Variants in PRKCH observed in about 807,000 individuals in gnomAD.
PRKCH encodes protein kinase C eta.
PRKCH carries 28 observed loss-of-function variants against 82.5 expected under a neutral mutation model. The observed-to-expected ratio is 0.34, with a 90% CI of 0.25 to 0.47. PRKCH has a LOEUF of 0.47. PRKCH is among the 20% of genes least tolerant of loss of function. The pLI is 1.00. For missense variants in PRKCH, 705 were observed against 881.8 expected (o/e 0.80, Z 2.54); for synonymous variants, 322 against 327.4 (o/e 0.98, Z 0.18).
chr14:61,515,280 T>G (rs891615891), intron 10 of PRKCH, among the ~76,000 whole-genome samples: 3 of 152,198 alleles, frequency 2.0e-5, no homozygotes, highest in Admixed American at 6.5e-5. Flanking sequence ...TTCTGGAGAT[T>G]TGAAATTCTC....
Position 61,280,382 on chromosome 14 carries a change from T to C in PRKCH, c.-19+92714T>C. 6.2e-7 allele frequency: 1 copy of C among 1,613,960 alleles called. No individual in the cohort carries two copies. The highest frequency in any genetic ancestry group is 8.5e-7 in the Non-Finnish European group (1 of 1,179,898). On this transcript the variant is annotated intron_variant, in intron 1 of 3. Transcript: ENST00000555185. This position sits in a 1 kb window ranked among gnomAD's most constrained non-coding sequence, Gnocchi z 5.0. ...TTGCGGAACGTGGGCAGCGCCGCCG[T>C]GCGCATCCACACCACGAAGTCCTGA...
intron 8 of PRKCH, 78 bp from the exon 9 acceptor site, chr14:61,457,428 C>A: frequency 1.9e-6 from 3 of 1,587,788 alleles, no homozygotes; most frequent in Non-Finnish European, 2.6e-6. Flanking sequence ...ATGTGCCATT[C>A]TTTCTTCCTG....
intron 1 of PRKCH, among the ~76,000 whole-genome samples, chr14:61,275,237 T>C (rs952368835): frequency 2.0e-5 from 3 of 152,242 alleles, no homozygotes; most frequent in African/African-American, 7.2e-5. Context: ...CCTACTTTTA[T>C]AGAGTTCTGT....
intron 2 of PRKCH, among the ~76,000 whole-genome samples, chr14:61,436,505 C>T (rs12435952): frequency 0.083 from 12,656 of 152,154 alleles, 592 homozygotes; most frequent in East Asian, 0.11. Flanking sequence ...ACTGCTAGTG[C>T]CATTGAGGGG....
intron 1 of PRKCH, among the ~76,000 whole-genome samples, chr14:61,258,424 C>T (rs2140078050): frequency 6.6e-6 from 1 of 152,198 alleles, no homozygotes; most frequent in South Asian, 2.1e-4. Flanking sequence ...ACAAAGTTGC[C>T]TGGTATCCCC....
At chr14:61,530,668 T>C (rs1594790048) in intron 12 of PRKCH, 73 bp downstream of exon 12, 2 of 1,412,930 alleles carry the variant, frequency 1.4e-6, no homozygotes, top group East Asian at 4.7e-5. Flanking sequence ...TTGAGTCTTT[T>C]CAGTACTTCC....
chr14:61,327,878 A>G (rs745453707), intron 1 of PRKCH, among the ~76,000 whole-genome samples: 1 of 152,260 alleles, frequency 6.6e-6, no homozygotes, highest in Non-Finnish European at 1.5e-5. Context: ...AAAGAAAGAA[A>G]TGAAAATAGT....
At chr14:61,526,802 G>A (rs574479407) in intron 10 of PRKCH, among the ~76,000 whole-genome samples, 3 of 152,354 alleles carry the variant, frequency 2.0e-5, no homozygotes, top group South Asian at 2.1e-4. Flanking sequence ...GGCTCCAGGC[G>A]GCCCAAGGCC....
chr14:61,368,004 G>A (rs1198108904), intron 1 of PRKCH, among the ~76,000 whole-genome samples: 4 of 151,972 alleles, frequency 2.6e-5, no homozygotes, highest in East Asian at 1.9e-4. Context: ...GTGAGCCACC[G>A]CGCCCAGCCT....
intron 10 of PRKCH, among the ~76,000 whole-genome samples, chr14:61,511,733 G>A (rs1887386259): frequency 6.6e-6 from 1 of 152,194 alleles, no homozygotes; most frequent in Non-Finnish European, 1.5e-5. Flanking sequence ...GCTGCTTCCT[G>A]GCGCTTGTGA....
intron 10 of PRKCH, among the ~76,000 whole-genome samples, chr14:61,505,394 T>C (rs569949488): frequency 4.5e-4 from 45 of 100,218 alleles, no homozygotes; most frequent in African/African-American, 1.6e-3. Context: ...TCTTTTCTTT[T>C]CTTTTTTTTT....
chr14:61,235,708 TAAAAG>T (rs2044782022), intron 1 of PRKCH, among the ~76,000 whole-genome samples: 1 of 152,188 alleles, frequency 6.6e-6, no homozygotes, highest in African/African-American at 2.4e-5. Flanking sequence ...TTATCTTTGT[TAAAAG>T]AAAAACTTCA....
chr14:61,202,461 G>T (rs969588902), intron 1 of PRKCH, among the ~76,000 whole-genome samples: 1 of 152,166 alleles, frequency 6.6e-6, no homozygotes, highest in Non-Finnish European at 1.5e-5. Flanking sequence ...TATTTGAAAG[G>T]TATTGTCTCC....
intron 1 of PRKCH, among the ~76,000 whole-genome samples, chr14:61,209,594 C>T (rs2044553776): frequency 6.6e-6 from 1 of 152,110 alleles, no homozygotes; most frequent in Non-Finnish European, 1.5e-5. Flanking sequence ...GAATGTCAGA[C>T]ATAGACTGGA....
chr14:61,414,859 G>A (rs555286005), intron 2 of PRKCH, among the ~76,000 whole-genome samples: 1 of 152,242 alleles, frequency 6.6e-6, no homozygotes, highest in East Asian at 1.9e-4. Flanking sequence ...ATGAATAAAA[G>A]CATTCCCCCT....
At chr14:61,450,413 T>A (rs1453426477) in intron 5 of PRKCH, among the ~76,000 whole-genome samples, 3 of 152,216 alleles carry the variant, frequency 2.0e-5, no homozygotes, top group Non-Finnish European at 2.9e-5. Flanking sequence ...TCTCTTCTTT[T>A]TATTTTTCTT....
chr14:61,262,630 C>G (rs1387959670), intron 1 of PRKCH, among the ~76,000 whole-genome samples: 1 of 152,022 alleles, frequency 6.6e-6, no homozygotes, highest in Non-Finnish European at 1.5e-5. Context: ...TTTGTGAATA[C>G]AGCGGACAAA....
intron 1 of PRKCH, among the ~76,000 whole-genome samples, chr14:61,345,346 G>A (rs576642290): frequency 5.6e-4 from 86 of 152,220 alleles, no homozygotes; most frequent in Non-Finnish European, 5.4e-4. Flanking sequence ...AAGAGTATAC[G>A]TTGTTATGCA....
At chr14:61,414,284 T>G (rs1474442108) in intron 2 of PRKCH, among the ~76,000 whole-genome samples, 2 of 151,806 alleles carry the variant, frequency 1.3e-5, no homozygotes, top group East Asian at 1.9e-4. Context: ...CTTTTTTTTT[T>G]TTTTTTGAAA....
Sources: allele counts gnomAD v4.1 joint callset (sites outside exome capture counted in the v4.1 genomes callset), GRCh38; gene constraint gnomAD v4.1.1; non-coding constraint Gnocchi (gnomAD v3.1); transcripts MANE v1.5; gene names NCBI Gene and HGNC (gene_info 2026-07-23, HGNC 2026-07-21).